The following SLCO2A1 variants were observed in gnomAD, a reference collection of about 807,000 sequenced individuals.
SLCO2A1 encodes the protein matrin F/G 1.
SLCO2A1 carries 60 observed loss-of-function variants against 71.7 expected under a neutral mutation model. The ratio of observed to expected loss-of-function variants is 0.84; its 90% CI spans 0.68 to 1.04. SLCO2A1 has a LOEUF of 1.04. SLCO2A1 is among the 50% of genes least tolerant of loss of function. The pLI is 0.00. For missense variants in SLCO2A1, 745 were observed against 813.4 expected (o/e 0.92, Z 1.02); for synonymous variants, 308 against 326.7 (o/e 0.94, Z 0.62).
chr3:133,966,211 G>A lies in SLCO2A1; in HGVS notation c.397+7452C>T, dbSNP rs1469764275. ...CCACTTGCTTATCTATTGGGAAGGG[G>A]AACTTTTGTGCCACTACAGCAAAGT... On this transcript the variant is annotated intron_variant, in intron 3 of 13. Transcript: ENST00000310926. Among the ~76,000 whole-genome samples, 5 of 152,176 alleles carry A rather than the reference G, an allele frequency of 3.3e-5. No homozygotes were observed. In the East Asian group the frequency reaches 9.6e-4, roughly 29 times the overall value.
intron 1 of SLCO2A1, among the ~76,000 whole-genome samples, chr3:134,009,689 A>G (rs1935291691): frequency 6.6e-6 from 1 of 152,254 alleles, no homozygotes; most frequent in Non-Finnish European, 1.5e-5. Context: ...AAGAAAGAGG[A>G]AACTGAGGAA....
intron 1 of SLCO2A1, among the ~76,000 whole-genome samples, chr3:134,003,657 G>A (rs758576253): frequency 6.6e-6 from 1 of 152,206 alleles, no homozygotes; most frequent in Non-Finnish European, 1.5e-5. Context: ...TTGGCCTGCT[G>A]CTGCCACATT....
chr3:133,974,029 T>C (rs1934395629), intron 2 of SLCO2A1, among the ~76,000 whole-genome samples: 1 of 152,208 alleles, frequency 6.6e-6, no homozygotes, highest in Non-Finnish European at 1.5e-5. Context: ...GTTTTCCCTC[T>C]GTTATCAGAA....
intron 3 of SLCO2A1, among the ~76,000 whole-genome samples, chr3:133,968,421 C>T (rs2108052613): frequency 6.6e-6 from 1 of 152,294 alleles, no homozygotes; most frequent in Admixed American, 6.5e-5. Flanking sequence ...CTCACCAGTT[C>T]ACTCAGGATC....
chr3:133,999,748 G>A (rs1935061519), intron 1 of SLCO2A1, among the ~76,000 whole-genome samples: 1 of 152,186 alleles, frequency 6.6e-6, no homozygotes, highest in Non-Finnish European at 1.5e-5. Flanking sequence ...AAGATGAGGA[G>A]AGGAAAAATG....
chr3:133,992,375 G>T (rs1559949740), intron 1 of SLCO2A1, among the ~76,000 whole-genome samples: 2 of 152,170 alleles, frequency 1.3e-5, no homozygotes, highest in East Asian at 3.9e-4. Flanking sequence ...CACAAGAAAG[G>T]GAGGTAGAAA....
intron 10 of SLCO2A1, 89 bp downstream of exon 10, chr3:133,945,006 C>T: frequency 6.9e-7 from 1 of 1,455,248 alleles, no homozygotes; most frequent in Non-Finnish European, 9.3e-7. Context: ...CCTGCCTATC[C>T]TGGAGCCGAG....
At chr3:133,996,396 C>G (rs1934964675) in intron 1 of SLCO2A1, among the ~76,000 whole-genome samples, 1 of 152,322 alleles carries the variant, frequency 6.6e-6, no homozygotes, top group East Asian at 1.9e-4. Context: ...GCTGCCCACC[C>G]CATGAGAGCA....
intron 1 of SLCO2A1, among the ~76,000 whole-genome samples, chr3:133,984,594 T>A (rs1012645222): frequency 6.6e-6 from 1 of 152,160 alleles, no homozygotes; most frequent in Non-Finnish European, 1.5e-5. Context: ...CCTCGGCTGC[T>A]CGAACTTACC....
intron 1 of SLCO2A1, among the ~76,000 whole-genome samples, chr3:134,014,887 T>A (rs74714043): frequency 0.075 from 11,450 of 152,140 alleles, 438 homozygotes; most frequent in Middle Eastern, 0.14. Context: ...TCATTAAGAT[T>A]AGAAAAAATT....
Position 134,007,833 on chromosome 3 carries a change from G to C in SLCO2A1, c.96+21874C>G, listed in dbSNP as rs565091786. On this transcript the variant is annotated intron_variant, in intron 1 of 13. Coordinates refer to ENST00000310926, the MANE Select transcript of SLCO2A1 (RefSeq NM_005630.3). ...ATATTTCCTCCTTATTCCTTGTGCA[G>C]GGTCAACTGATGTCCTCATTGTTCC... Among the ~76,000 whole-genome samples the C allele has an allele frequency of 3.5e-4, 54 of 152,262 alleles. No individual in the cohort carries two copies. In the Middle Eastern group the frequency reaches 0.014, roughly 38 times the overall value.
intron 1 of SLCO2A1, among the ~76,000 whole-genome samples, chr3:134,005,740 C>T (rs1004173956): frequency 2.0e-5 from 3 of 152,110 alleles, no homozygotes; most frequent in Non-Finnish European, 4.4e-5. Flanking sequence ...CTCGGCCTCC[C>T]AAAGTGCTAG....
chr3:134,016,020 C>T (rs577096697), intron 1 of SLCO2A1, among the ~76,000 whole-genome samples: 2 of 152,056 alleles, frequency 1.3e-5, no homozygotes, highest in East Asian at 1.9e-4. Context: ...TTAACCTAAA[C>T]CTTACATCCA....
At chr3:133,965,125 G>A (rs913728642) in intron 3 of SLCO2A1, among the ~76,000 whole-genome samples, 1 of 152,072 alleles carries the variant, frequency 6.6e-6, no homozygotes, top group Non-Finnish European at 1.5e-5. Flanking sequence ...CTCTTTAAAG[G>A]GGGAAAAAAA....
intron 3 of SLCO2A1, among the ~76,000 whole-genome samples, chr3:133,961,618 G>T (rs1003018083): frequency 3.3e-5 from 5 of 152,016 alleles, no homozygotes; most frequent in Non-Finnish European, 7.4e-5. Context: ...AAACTTTCTG[G>T]GGATTGTTTA....
chr3:133,998,802 C>T (rs1344357148), intron 1 of SLCO2A1: 1 of 152,290 alleles, frequency 6.6e-6, no homozygotes, highest in Non-Finnish European at 1.5e-5. Flanking sequence ...AAGGACAAAG[C>T]TCCATGTTGA....
chr3:133,988,858 A>C (rs1263538459), intron 1 of SLCO2A1, among the ~76,000 whole-genome samples: 2 of 152,364 alleles, frequency 1.3e-5, no homozygotes, highest in Non-Finnish European at 2.9e-5. Flanking sequence ...TCTGGAGACA[A>C]GGAACTTAAG....
At chr3:134,015,946 G>T (rs912154236) in intron 1 of SLCO2A1, among the ~76,000 whole-genome samples, 1 of 151,864 alleles carries the variant, frequency 6.6e-6, no homozygotes, top group Non-Finnish European at 1.5e-5. Context: ...AAAAATGGTG[G>T]AGAAACAACT....
At chr3:133,976,245 C>T (rs1304772291) in intron 2 of SLCO2A1, among the ~76,000 whole-genome samples, 2 of 152,260 alleles carry the variant, frequency 1.3e-5, no homozygotes, top group Non-Finnish European at 2.9e-5. Flanking sequence ...CTGAAACCCA[C>T]ACCTGGAAAG....
Sources: allele counts gnomAD v4.1 joint callset (sites outside exome capture counted in the v4.1 genomes callset), GRCh38; gene constraint gnomAD v4.1.1; transcripts MANE v1.5; gene names NCBI Gene and HGNC (gene_info 2026-07-23, HGNC 2026-07-21).